KRABD2: variants seen among roughly 807,000 people sequenced by gnomAD.
KRABD2 encodes KRAB domain containing 2, also known as KRAB domain-containing protein 2.
the KRABD2 span, among the ~76,000 whole-genome samples, chr17:8,363,757 C>CAT: frequency 1.1e-4 from 16 of 144,898 alleles, no homozygotes; most frequent in South Asian, 4.4e-4. Context: ...TTCATACATA[C>CAT]ATATATATAT....
chr17:8,374,401 T>A, the KRABD2 span, among the ~76,000 whole-genome samples: 2 of 152,180 alleles, frequency 1.3e-5, no homozygotes, highest in East Asian at 3.9e-4. Flanking sequence ...CAAGATGTGC[T>A]TTGTTAAACA....
chr17:8,362,619 T>C, the KRABD2 span, among the ~76,000 whole-genome samples: 5 of 152,236 alleles, frequency 3.3e-5, no homozygotes, highest in African/African-American at 9.6e-5. The surrounding 1 kb of genome is among the most constrained non-coding windows in gnomAD (Gnocchi z 4.2). Flanking sequence ...CACATGACTC[T>C]GCAATTTGGC....
chr17:8,369,344 T>A, the KRABD2 span: 1 of 1,614,250 alleles, frequency 6.2e-7, no homozygotes, highest in South Asian at 1.1e-5. Flanking sequence ...GGGGCAAGTT[T>A]GAGGAATATA....
At chr17:8,376,502 T>C in the KRABD2 span, 2 of 997,502 alleles carry the variant, frequency 2.0e-6, no homozygotes, top group Non-Finnish European at 2.4e-6. Context: ...CTCCTTTGTG[T>C]AGCCTTCCTA....
chr17:8,370,259 C>CT, the KRABD2 span: 3 of 1,613,190 alleles, frequency 1.9e-6, no homozygotes, highest in Non-Finnish European at 2.5e-6. Flanking sequence ...TTTCTACTAA[C>CT]TTTGTTACAC....
chr17:8,374,477 A>G, the KRABD2 span, among the ~76,000 whole-genome samples: 1 of 152,076 alleles, frequency 6.6e-6, no homozygotes, highest in African/African-American at 2.4e-5. Context: ...ACCCAGGGAC[A>G]CAAACACTGC....
the KRABD2 span, among the ~76,000 whole-genome samples, chr17:8,373,146 C>CGT: frequency 1.1e-5 from 1 of 94,256 alleles, no homozygotes; most frequent in African/African-American, 4.0e-5. Context: ...TCCCTCTCTC[C>CGT]CTCTCTCCGT....
chr17:8,374,164 G>GGC, the KRABD2 span, among the ~76,000 whole-genome samples: 1 of 152,276 alleles, frequency 6.6e-6, no homozygotes, highest in Non-Finnish European at 1.5e-5. Context: ...TGGTGACGAT[G>GGC]GCGGTTGTGT....
the KRABD2 span, among the ~76,000 whole-genome samples, chr17:8,362,785 C>T: frequency 1.3e-5 from 2 of 152,320 alleles, no homozygotes; most frequent in East Asian, 1.9e-4. The surrounding 1 kb of genome is among the most constrained non-coding windows in gnomAD (Gnocchi z 4.2). Context: ...TTTGGCTCCT[C>T]TCAATGTGGG....
At chr17:8,365,237 C>T in the KRABD2 span, among the ~76,000 whole-genome samples, 4 of 151,952 alleles carry the variant, frequency 2.6e-5, no homozygotes, top group African/African-American at 9.7e-5. Flanking sequence ...TCCTGGAAAC[C>T]CAGGCATCTC....
At chr17:8,369,494 A>C in the KRABD2 span, 1 of 1,614,018 alleles carries the variant, frequency 6.2e-7, no homozygotes, top group Non-Finnish European at 8.5e-7. Context: ...GCATCCAGGT[A>C]CTTATCATGT....
the KRABD2 span, chr17:8,372,164 G>A: frequency 1.4e-6 from 1 of 711,760 alleles, no homozygotes; most frequent in Non-Finnish European, 1.7e-6. This position sits in a 1 kb window ranked among gnomAD's most constrained non-coding sequence, Gnocchi z 4.1. Context: ...AGGTCCGGAA[G>A]GTCCTTCACT....
At chr17:8,375,166 C>G in the KRABD2 span, among the ~76,000 whole-genome samples, 2 of 151,826 alleles carry the variant, frequency 1.3e-5, no homozygotes, top group Non-Finnish European at 2.9e-5. Context: ...CACCTGCCAC[C>G]AGGCCCAGCT....
the KRABD2 span, among the ~76,000 whole-genome samples, chr17:8,372,856 G>A: frequency 1.3e-5 from 2 of 152,088 alleles, no homozygotes; most frequent in Non-Finnish European, 2.9e-5. This position sits in a 1 kb window ranked among gnomAD's most constrained non-coding sequence, Gnocchi z 4.1. Flanking sequence ...TTGAGGCCAG[G>A]AGTTCAAGAC....
the KRABD2 span, chr17:8,372,229 G>C: frequency 5.4e-6 from 1 of 185,860 alleles, no homozygotes; most frequent in African/African-American, 2.4e-5. The surrounding 1 kb of genome is among the most constrained non-coding windows in gnomAD (Gnocchi z 4.1). Flanking sequence ...GAATATTCCT[G>C]ATTCTAAGAC....
At chr17:8,376,312 A>T in the KRABD2 span, 1,179 of 1,223,074 alleles carry the variant, frequency 9.6e-4, 32 homozygotes, top group East Asian at 0.035. Flanking sequence ...TGACTAAAGC[A>T]AAGTTACTGA....
chr17:8,370,115 A>G, the KRABD2 span: 10 of 1,614,086 alleles, frequency 6.2e-6, no homozygotes, highest in South Asian at 8.8e-5. Context: ...TGCCCTGTAC[A>G]GAGATCACAT....
At chr17:8,370,511 TAATAG>T in the KRABD2 span, 4 of 662,912 alleles carry the variant, frequency 6.0e-6, no homozygotes, top group Non-Finnish European at 7.4e-6. Context: ...GGAAGAATGA[TAATAG>T]AATAATAGTT....
the KRABD2 span, among the ~76,000 whole-genome samples, chr17:8,365,180 C>G: frequency 6.6e-6 from 1 of 152,326 alleles, no homozygotes; most frequent in South Asian, 2.1e-4. Flanking sequence ...CTAACTCTTT[C>G]CCACTGCCAA....
Sources: allele counts gnomAD v4.1 joint callset (sites outside exome capture counted in the v4.1 genomes callset), GRCh38; gene constraint gnomAD v4.1.1; non-coding constraint Gnocchi (gnomAD v3.1); transcripts MANE v1.5; gene names NCBI Gene and HGNC (gene_info 2026-07-23, HGNC 2026-07-21).